Variants in OR2L13 observed in about 807,000 individuals in gnomAD.
The protein encoded by OR2L13 is olfactory receptor family 2 subfamily L member 13.
OR2L13 carries 14 observed loss-of-function variants against 15.3 expected under a neutral mutation model. The ratio of observed to expected loss-of-function variants is 0.91; its 90% CI spans 0.60 to 1.43. The LOEUF (loss-of-function observed/expected upper bound fraction) is 1.43. Ranked by LOEUF, OR2L13 falls within the 40% of genes most tolerant of loss-of-function variation. The pLI, the probability that OR2L13 is intolerant of heterozygous loss-of-function variation, is 0.00. For missense variants in OR2L13, 367 were observed against 387.9 expected (o/e 0.95, Z 0.45); for synonymous variants, 152 against 142.9 (o/e 1.06, Z -0.45).
At chr1:247,960,024 TAG>T in the OR2L13 span, among the ~76,000 whole-genome samples, 1 of 152,206 alleles carries the variant, frequency 6.6e-6, no homozygotes, top group Non-Finnish European at 1.5e-5. Context: ...CTCTGATTTT[TAG>T]AGTTTCCAGT....
the OR2L13 span, chr1:248,061,088 G>A: frequency 1.2e-6 from 2 of 1,613,986 alleles, no homozygotes; most frequent in African/African-American, 2.7e-5. Flanking sequence ...ATCCGCATGA[G>A]CAAAAGAATG....
the OR2L13 span, among the ~76,000 whole-genome samples, chr1:247,984,811 C>G: frequency 0.055 from 8,345 of 152,102 alleles, 723 homozygotes; most frequent in African/African-American, 0.19. Flanking sequence ...TGTTGTGCAA[C>G]CATCCCCACC....
chr1:247,982,302 A>G, the OR2L13 span, among the ~76,000 whole-genome samples: 4 of 152,210 alleles, frequency 2.6e-5, no homozygotes, highest in Admixed American at 6.5e-5. Context: ...GTCATTGCAC[A>G]GTCATGAATA....
chr1:247,985,623 G>A, the OR2L13 span, among the ~76,000 whole-genome samples: 1 of 152,034 alleles, frequency 6.6e-6, no homozygotes, highest in South Asian at 2.1e-4. Flanking sequence ...GGTTATATAC[G>A]CAGTAATGGG....
chr1:247,969,286 C>G, the OR2L13 span, among the ~76,000 whole-genome samples: 4 of 152,066 alleles, frequency 2.6e-5, no homozygotes, highest in East Asian at 1.9e-4. Flanking sequence ...TTCTCCCATT[C>G]TGTAGGTTGC....
the OR2L13 span, chr1:247,990,562 CAG>C: frequency 2.6e-6 from 4 of 1,565,128 alleles, no homozygotes; most frequent in African/African-American, 4.1e-5. Context: ...GTGTGGGATT[CAG>C]AGTTTCTTCT....
At chr1:248,048,288 G>A in the OR2L13 span, among the ~76,000 whole-genome samples, 1 of 152,132 alleles carries the variant, frequency 6.6e-6, no homozygotes, top group African/African-American at 2.4e-5. Context: ...AAGAGTTGTG[G>A]TTCTCCAACT....
the OR2L13 span, among the ~76,000 whole-genome samples, chr1:248,055,276 A>G: frequency 6.6e-6 from 1 of 152,206 alleles, no homozygotes; most frequent in Non-Finnish European, 1.5e-5. Flanking sequence ...GCTTGCATCC[A>G]GGGGATGAAG....
At chr1:248,086,302 A>G in the OR2L13 span, among the ~76,000 whole-genome samples, 2 of 152,174 alleles carry the variant, frequency 1.3e-5, no homozygotes, top group African/African-American at 4.8e-5. Context: ...GAGTGGTTAT[A>G]CTTTTTCAGA....
chr1:248,011,978 G>A, the OR2L13 span, among the ~76,000 whole-genome samples: 2 of 152,068 alleles, frequency 1.3e-5, no homozygotes, highest in African/African-American at 2.4e-5. Context: ...ATATTATTAT[G>A]CATTTAATAT....
chr1:248,083,634 C>A, the OR2L13 span: 9 of 1,422,020 alleles, frequency 6.3e-6, no homozygotes, highest in South Asian at 1.2e-5. Context: ...GACACTAGAT[C>A]ATCTTGACCT....
At chr1:247,957,717 A>G in the OR2L13 span, among the ~76,000 whole-genome samples, 1 of 152,108 alleles carries the variant, frequency 6.6e-6, no homozygotes, top group African/African-American at 2.4e-5. Flanking sequence ...TAGATTTTCT[A>G]GTTTATTTGC....
the OR2L13 span, among the ~76,000 whole-genome samples, chr1:247,987,226 G>A: frequency 6.6e-6 from 1 of 152,156 alleles, no homozygotes; most frequent in East Asian, 1.9e-4. Context: ...GTTGCATGCT[G>A]CAATTTTGCT....
At chr1:247,960,930 T>G in the OR2L13 span, among the ~76,000 whole-genome samples, 1 of 152,072 alleles carries the variant, frequency 6.6e-6, no homozygotes, top group African/African-American at 2.4e-5. Context: ...ACGCTCAGTG[T>G]GCTGCACCCA....
the OR2L13 span, chr1:248,060,699 A>G: frequency 1.2e-6 from 2 of 1,613,182 alleles, no homozygotes; most frequent in Non-Finnish European, 1.7e-6. Context: ...ATTACAATCA[A>G]ACATCAACTG....
upstream of OR2L13, among the ~76,000 whole-genome samples, chr1:248,094,363 C>T (rs1386659018): frequency 6.6e-6 from 1 of 152,080 alleles, no homozygotes; most frequent in Non-Finnish European, 1.5e-5. Flanking sequence ...TTCTAGTTAA[C>T]CAATGTATGG....
chr1:248,068,043 C>T, the OR2L13 span, among the ~76,000 whole-genome samples: 267 of 152,250 alleles, frequency 1.8e-3, no homozygotes, highest in African/African-American at 6.2e-3. Flanking sequence ...CTGCTTGCCT[C>T]TGTAGGCTCC....
the OR2L13 span, among the ~76,000 whole-genome samples, chr1:248,052,376 AT>A: frequency 1.3e-5 from 2 of 152,144 alleles, no homozygotes; most frequent in Non-Finnish European, 1.5e-5. Context: ...GTTGAGCTAT[AT>A]GTCTGGTGCC....
At chr1:248,077,998 A>G in the OR2L13 span, among the ~76,000 whole-genome samples, 1 of 152,218 alleles carries the variant, frequency 6.6e-6, no homozygotes, top group Non-Finnish European at 1.5e-5. Flanking sequence ...CATCTTATCA[A>G]ATAGGATAAA....
Sources: allele counts gnomAD v4.1 joint callset (sites outside exome capture counted in the v4.1 genomes callset), GRCh38; gene constraint gnomAD v4.1.1; transcripts MANE v1.5; gene names NCBI Gene and HGNC (gene_info 2026-07-23, HGNC 2026-07-21).